The following C1QTNF3 variants were observed in gnomAD, a reference collection of about 807,000 sequenced individuals.
The protein encoded by C1QTNF3 is complement C1q tumor necrosis factor-related protein 3.
C1QTNF3 carries 26 observed loss-of-function variants against 32.6 expected under a neutral mutation model. The observed-to-expected ratio is 0.80, with a 90% CI of 0.58 to 1.11. The LOEUF (loss-of-function observed/expected upper bound fraction) is 1.11, where lower values mean the gene tolerates loss of function less well. C1QTNF3 is among the 50% of genes least tolerant of loss of function. The probability of loss-of-function intolerance (pLI) is 0.00; values close to 1 mark genes in which losing one functional copy is unlikely to be tolerated. For synonymous variants in C1QTNF3, 155 were observed against 146.0 expected, an observed-to-expected ratio of 1.06 and a Z score of -0.44; for missense variants, 362 against 398.2, an observed-to-expected ratio of 0.91 and a Z score of 0.77.
At chr5:34,129,993 G>T in the C1QTNF3 span, among the ~76,000 whole-genome samples, 3 of 151,838 alleles carry the variant, frequency 2.0e-5, no homozygotes, top group Admixed American at 6.6e-5. Flanking sequence ...TTAAATGTCT[G>T]TTCCTTATCT....
chr5:34,100,306 G>C, the C1QTNF3 span, among the ~76,000 whole-genome samples: 2 of 151,752 alleles, frequency 1.3e-5, no homozygotes, highest in Admixed American at 1.3e-4. Context: ...ACCTCTTAAA[G>C]TTCCTCTCTT....
chr5:34,175,948 G>C, the C1QTNF3 span: 4 of 833,342 alleles, frequency 4.8e-6, no homozygotes, highest in East Asian at 4.8e-5. Flanking sequence ...CTGAACATCA[G>C]AGGTGGATCC....
At chr5:34,083,581 A>G in the C1QTNF3 span, among the ~76,000 whole-genome samples, 7 of 151,656 alleles carry the variant, frequency 4.6e-5, no homozygotes, top group Non-Finnish European at 1.5e-5. Context: ...TATATTGTTT[A>G]AAAAGCAGAT....
the C1QTNF3 span, among the ~76,000 whole-genome samples, chr5:34,195,701 C>T: frequency 6.6e-6 from 1 of 152,170 alleles, no homozygotes; most frequent in African/African-American, 2.4e-5. Context: ...ATTAGCCGGG[C>T]GCAGTGGCGG....
chr5:34,116,757 G>C, the C1QTNF3 span, among the ~76,000 whole-genome samples: 2 of 151,744 alleles, frequency 1.3e-5, no homozygotes, highest in Non-Finnish European at 2.9e-5. Flanking sequence ...ACCACGCCCA[G>C]CTAATTTTTT....
rs1235429264 is a variant in C1QTNF3 at position 34,035,705 on chromosome 5, G to A, written c.357C>T (p.Asp119=). 1 of 1,612,328 alleles carries A rather than the reference G, an allele frequency of 6.2e-7. No homozygotes were observed. Among genetic ancestry groups the A allele is most frequent in the Non-Finnish European group, 8.5e-7 (1 of 1,179,486 alleles). ...GGCCTTGGTAGCCTCGAAAGCTGTA[G>A]TCTCCATGACAACACTTACTGCAGT... ...PPDCSKCCHG[D]YSFRGYQGPP... Residue 119 remains aspartate (D), a synonymous_variant, in exon 2 of 6, where the codon GAC becomes GAT. Transcript: ENST00000382065.
the C1QTNF3 span, chr5:34,106,280 C>T: frequency 2.0e-5 from 3 of 151,420 alleles, no homozygotes; most frequent in Non-Finnish European, 4.4e-5. Context: ...CATAAATTTT[C>T]GATGAGATTA....
chr5:34,196,060 C>T, the C1QTNF3 span, among the ~76,000 whole-genome samples: 12 of 152,404 alleles, frequency 7.9e-5, no homozygotes, highest in East Asian at 3.9e-4. Context: ...AGGAAGCAGG[C>T]CCTCTTTAAG....
chr5:34,106,475 A>T, the C1QTNF3 span: 50 of 146,466 alleles, frequency 3.4e-4, 1 homozygote, highest in South Asian at 8.1e-3. Flanking sequence ...TAATTTGATT[A>T]GTGAAAACTG....
the C1QTNF3 span, among the ~76,000 whole-genome samples, chr5:34,074,818 G>GA: frequency 6.6e-6 from 1 of 151,142 alleles, no homozygotes; most frequent in Non-Finnish European, 1.5e-5. Context: ...TCGAGATATT[G>GA]AAAAAGAGAA....
At chr5:34,139,834 T>G in the C1QTNF3 span, among the ~76,000 whole-genome samples, 1 of 152,294 alleles carries the variant, frequency 6.6e-6, no homozygotes, top group South Asian at 2.1e-4. Flanking sequence ...CATTAATAAA[T>G]GAAAAGAATA....
the C1QTNF3 span, among the ~76,000 whole-genome samples, chr5:34,242,150 A>T: frequency 6.6e-6 from 1 of 152,200 alleles, no homozygotes; most frequent in African/African-American, 2.4e-5. Context: ...TCTTCACAGA[A>T]TTAGAAAAAA....
At chr5:34,064,338 G>A in the C1QTNF3 span, among the ~76,000 whole-genome samples, 64 of 152,102 alleles carry the variant, frequency 4.2e-4, no homozygotes, top group African/African-American at 1.5e-3. Flanking sequence ...AAGATGTGGC[G>A]GGCCACTCCC....
the C1QTNF3 span, among the ~76,000 whole-genome samples, chr5:34,227,658 A>G: frequency 6.6e-6 from 1 of 151,954 alleles, no homozygotes; most frequent in African/African-American, 2.4e-5. Flanking sequence ...TTATAATTTA[A>G]GAGAGGATTC....
chr5:34,040,878 C>T (rs1299857417), intron 1 of C1QTNF3, among the ~76,000 whole-genome samples: 1 of 151,908 alleles, frequency 6.6e-6, no homozygotes, highest in Non-Finnish European at 1.5e-5. Flanking sequence ...AGATCCAGCT[C>T]AAAAACTATC....
chr5:34,178,104 TAAAAAAAA>T, the C1QTNF3 span, among the ~76,000 whole-genome samples: 4 of 76,502 alleles, frequency 5.2e-5, no homozygotes, highest in Admixed American at 1.5e-4. Flanking sequence ...TCATCTCTAC[TAAAAAAAA>T]AAAAAAAAAA....
the C1QTNF3 span, among the ~76,000 whole-genome samples, chr5:34,139,358 T>C: frequency 6.6e-6 from 1 of 152,092 alleles, no homozygotes; most frequent in Non-Finnish European, 1.5e-5. Context: ...CCAACTTCTT[T>C]AAGTACATTA....
chr5:34,062,246 G>A, the C1QTNF3 span, among the ~76,000 whole-genome samples: 1 of 152,190 alleles, frequency 6.6e-6, no homozygotes, highest in South Asian at 2.1e-4. Context: ...CCCCATCAAG[G>A]TGCAGTCCCA....
At position 34,020,537 on chromosome 5, in the gene C1QTNF3, C is replaced by G; in HGVS notation, c.*46G>C. ...TGTTCCTCAGATCGTAACAAATCAG[C>G]TCAGCTACAAGTCTTCCCCAAAGTG... On this transcript the variant is annotated 3_prime_UTR_variant, in exon 6 of 6. Transcript: ENST00000382065. The G allele has an allele frequency of 6.3e-7, 1 of 1,589,738 alleles. No individual in the cohort carries two copies. The highest frequency in any genetic ancestry group is 8.6e-7 in the Non-Finnish European group (1 of 1,162,936).
Sources: allele counts gnomAD v4.1 joint callset (sites outside exome capture counted in the v4.1 genomes callset), GRCh38; gene constraint gnomAD v4.1.1; transcripts MANE v1.5; gene names NCBI Gene and HGNC (gene_info 2026-07-23, HGNC 2026-07-21).